The following KDM6A variants were observed in gnomAD, a reference collection of about 807,000 sequenced individuals.
KDM6A encodes lysine-specific demethylase 6A.
In KDM6A, 11 loss-of-function variants were observed where a neutral mutation model predicts 117.6. That is an observed-to-expected ratio of 0.09 (90% confidence interval 0.06 to 0.15). The LOEUF (loss-of-function observed/expected upper bound fraction) is 0.15, where lower values mean the gene tolerates loss of function less well. Among genes scored for constraint, KDM6A ranks in the 10% least tolerant of loss-of-function variants. The probability of loss-of-function intolerance (pLI) is 1.00; values close to 1 mark genes in which losing one functional copy is unlikely to be tolerated. For synonymous variants in KDM6A, 384 were observed against 396.1 expected (o/e 0.97, Z 0.36); for missense variants, 799 against 1,077.3 (o/e 0.74, Z 3.62).
intron 4 of KDM6A, among the ~76,000 whole-genome samples, chrX:44,984,816 C>T (rs1421236919): frequency 9.0e-6 from 1 of 111,609 alleles, no homozygotes. Flanking sequence ...TTACTGTAGC[C>T]TTGTAGTATA....
chrX:44,933,438 AT>A (rs2036783637), intron 2 of KDM6A, among the ~76,000 whole-genome samples: 1 of 103,115 alleles, frequency 9.7e-6, no homozygotes. Flanking sequence ...CGCCCGGCTA[AT>A]TTTTTGTGTG....
chrX:44,970,244 C>T, intron 3 of KDM6A, among the ~76,000 whole-genome samples: 1 of 111,735 alleles, frequency 8.9e-6, no homozygotes, highest in Non-Finnish European at 1.9e-5. Context: ...AGAAATGGCT[C>T]AATTACAAAT....
intron 2 of KDM6A, 32 bp downstream of exon 2, chrX:44,874,019 C>A (rs748473948): frequency 1.2e-5 from 14 of 1,177,285 alleles, no homozygotes; most frequent in Non-Finnish European, 1.5e-5. Context: ...GCGCGGACAC[C>A]GTCTCCCTGG....
chrX:45,046,652 T>C (rs2043550140), intron 8 of KDM6A, among the ~76,000 whole-genome samples: 1 of 111,897 alleles, frequency 8.9e-6, no homozygotes, highest in Non-Finnish European at 1.9e-5. Flanking sequence ...GTAACAGAAA[T>C]GTAATACAAA....
At chrX:45,068,763 CT>C (rs2044661324) in intron 17 of KDM6A, among the ~76,000 whole-genome samples, 1 of 104,966 alleles carries the variant, frequency 9.5e-6, no homozygotes, top group Non-Finnish European at 2.0e-5. Flanking sequence ...TCTCTCCCCT[CT>C]CTCCCTCCTC....
In KDM6A at chrX:45,012,197, A is replaced by ATTTTTTTT. The variant is rs760991442; in HGVS notation, c.443+1193_443+1200dup. ...TTTATAAAATGTCAACCCAATGTAGATTTTTTTTTTTTTTTTTTTTTTGGT... is the reference window on the plus strand; with the variant it reads ...TTTATAAAATGTCAACCCAATGTAGATTTTTTTTTTTTTTTTTTTTTTTTTTTTTTGGT... On this transcript the variant is annotated intron_variant, in intron 5 of 29. Coordinates refer to ENST00000611820, the MANE Select transcript of KDM6A (RefSeq NM_001291415.2). Among the ~76,000 whole-genome samples the ATTTTTTTT allele has an allele frequency of 7.5e-4, 52 of 69,069 alleles. 2 individuals carry two copies. Among genetic ancestry groups the ATTTTTTTT allele is most frequent in the South Asian group, 1.5e-3 (2 of 1,349 alleles). 60.0% of individuals were successfully genotyped at this position (69,069 alleles called of 115,157 possible). A position where few individuals can be genotyped will look rare whatever the true frequency, so the allele number is the denominator to read the frequency against.
chrX:44,925,013 T>A (rs2036223701), intron 2 of KDM6A, among the ~76,000 whole-genome samples: 1 of 112,008 alleles, frequency 8.9e-6, no homozygotes, highest in Non-Finnish European at 1.9e-5. Context: ...AGAAAATTTT[T>A]AAATTTTTAT....
chrX:45,075,323 C>T (rs774543297), intron 18 of KDM6A, among the ~76,000 whole-genome samples: 1 of 111,358 alleles, frequency 9.0e-6, no homozygotes, highest in Non-Finnish European at 1.9e-5. Context: ...TTGGTACCAA[C>T]TTTATACCCA....
intron 18 of KDM6A, 92 bp from the exon 19 acceptor site, chrX:45,076,604 TA>T (rs2148097912): frequency 3.1e-6 from 2 of 653,759 alleles, no homozygotes; most frequent in Non-Finnish European, 4.8e-6. Flanking sequence ...AAATGCCTAG[TA>T]ATTTAATTAG....
intron 6 of KDM6A, among the ~76,000 whole-genome samples, chrX:45,026,271 G>T (rs2042362455): frequency 8.9e-6 from 1 of 111,893 alleles, no homozygotes; most frequent in Non-Finnish European, 1.9e-5. Context: ...TCTGAGTGAA[G>T]TGGCAGCTCC....
chrX:45,103,026 C>G, intron 27 of KDM6A, among the ~76,000 whole-genome samples: 1 of 111,048 alleles, frequency 9.0e-6, no homozygotes, highest in South Asian at 3.9e-4. Context: ...GTTAAGTTAT[C>G]TACTTCTCAG....
chrX:44,945,056 A>C (rs1329431348), intron 2 of KDM6A, among the ~76,000 whole-genome samples: 1 of 111,434 alleles, frequency 9.0e-6, no homozygotes, highest in African/African-American at 3.3e-5. Flanking sequence ...TTTCATCTTC[A>C]TTTATGGAAG....
At position 45,109,130 on chromosome X, in the gene KDM6A, AAT is replaced by A. The variant is rs1569542353; in HGVS notation, c.4162-947_4162-946del. ...AACTTAAAGTATAATTTAAAAAAAT[AAT>A]AATAATAATAAATAAATAAATAAAT... is the stretch of plus-strand genomic sequence containing the variant. On this transcript the variant is annotated intron_variant, in intron 28 of 29. Transcript: ENST00000611820. Among the ~76,000 whole-genome samples, 22 of 101,704 alleles carry A rather than the reference AAT, an allele frequency of 2.2e-4. 1 individual carries two copies. Among genetic ancestry groups the A allele is most frequent in the East Asian group, 1.5e-3 (5 of 3,393 alleles). The allele number at this position is 101,704 out of a possible 115,157, so 88.3% of individuals were successfully genotyped here.
rs964828010 is a variant in KDM6A, at chrX:45,067,660, T to G, written c.2080-1919T>G. On this transcript the variant is annotated intron_variant, in intron 17 of 29. Transcript: ENST00000611820. The stretch of plus-strand genomic sequence containing the variant: ...GGTGTGTATCTTTTTTTTGTTTTTT[T>G]TTTTTTTTTTGAGATGGAGCCTGGC... Among the ~76,000 whole-genome samples the G allele has an allele frequency of 7.9e-4, 77 of 97,641 alleles. 1 individual carries two copies. The highest frequency in any genetic ancestry group is 2.4e-3 in the African/African-American group (55 of 23,094). The allele number at this position is 97,641 out of a possible 115,157, so 84.8% of individuals were successfully genotyped here.
intron 6 of KDM6A, among the ~76,000 whole-genome samples, chrX:45,023,290 G>A (rs2042241710): frequency 9.0e-6 from 1 of 111,670 alleles, no homozygotes; most frequent in Admixed American, 9.5e-5. Context: ...GCCCAAGTGT[G>A]TATAATACTT....
intron 6 of KDM6A, among the ~76,000 whole-genome samples, chrX:45,034,515 A>T (rs1229052299): frequency 9.0e-6 from 1 of 111,650 alleles, no homozygotes. Context: ...TCAGAAGTCC[A>T]TGTCTCATTT....
chrX:44,917,235 C>A, intron 2 of KDM6A, among the ~76,000 whole-genome samples: 1 of 110,489 alleles, frequency 9.1e-6, no homozygotes, highest in East Asian at 2.8e-4. Flanking sequence ...CCATGTTTGC[C>A]AGGCTGGTCT....
At chrX:44,985,982 T>TG (rs941162808) in intron 4 of KDM6A, among the ~76,000 whole-genome samples, 1 of 112,049 alleles carries the variant, frequency 8.9e-6, no homozygotes, top group Non-Finnish European at 1.9e-5. Context: ...TCAGAAGGAA[T>TG]GGTACCAGCT....
chrX:44,926,680 A>G (rs897835114), intron 2 of KDM6A, among the ~76,000 whole-genome samples: 14 of 111,680 alleles, frequency 1.3e-4, no homozygotes, highest in African/African-American at 4.6e-4. Context: ...CATTGAAATT[A>G]TGTCATTTTG....
Sources: allele counts gnomAD v4.1 joint callset (sites outside exome capture counted in the v4.1 genomes callset), GRCh38; gene constraint gnomAD v4.1.1; transcripts MANE v1.5; gene names NCBI Gene and HGNC (gene_info 2026-07-23, HGNC 2026-07-21).